Variants in NME7 observed in about 807,000 individuals in gnomAD.
The protein encoded by NME7 is nucleoside diphosphate kinase 7.
A neutral mutation model predicts 49.1 loss-of-function variants in NME7; 41 were observed. That is an observed-to-expected ratio of 0.83 (90% CI 0.65 to 1.08). NME7 has a LOEUF of 1.08. Among genes scored for constraint, NME7 ranks in the 50% least tolerant of loss-of-function variants. NME7 has a pLI of 0.00. For synonymous variants in NME7, 139 were observed against 150.6 expected, an observed-to-expected ratio of 0.92 and a Z score of 0.56; for missense variants, 423 against 463.4, an observed-to-expected ratio of 0.91 and a Z score of 0.80.
chr1:169,298,831 G>C, intron 5 of NME7, 68 bp from the exon 6 acceptor site: 1 of 1,214,928 alleles, frequency 8.2e-7, no homozygotes, highest in Non-Finnish European at 1.2e-6. Flanking sequence ...TTAACGACAG[G>C]ATATATTTAA....
intron 10 of NME7, among the ~76,000 whole-genome samples, chr1:169,170,421 G>A (rs1399445947): frequency 6.6e-6 from 1 of 152,176 alleles, no homozygotes; most frequent in East Asian, 1.9e-4. Flanking sequence ...CATCACTTAA[G>A]GATGTTTTAA....
At chr1:169,348,364 C>CAAAA (rs35999944) in intron 1 of NME7, among the ~76,000 whole-genome samples, 1 of 127,498 alleles carries the variant, frequency 7.8e-6, no homozygotes, top group Non-Finnish European at 1.7e-5. Context: ...CAAAAAAAAG[C>CAAAA]AAAAAAAAAA....
chr1:169,140,094 C>T (rs1048352492), intron 11 of NME7, among the ~76,000 whole-genome samples: 1 of 152,148 alleles, frequency 6.6e-6, no homozygotes, highest in African/African-American at 2.4e-5. Context: ...AGGGGAATTA[C>T]ATCTATAACA....
chr1:169,292,242 T>C (rs1650535372), intron 6 of NME7, among the ~76,000 whole-genome samples: 1 of 152,050 alleles, frequency 6.6e-6, no homozygotes, highest in Non-Finnish European at 1.5e-5. Context: ...TAGAAGCAAA[T>C]AATGAAATAT....
intron 11 of NME7, among the ~76,000 whole-genome samples, chr1:169,166,903 C>T (rs1007098745): frequency 5.9e-5 from 9 of 152,100 alleles, no homozygotes; most frequent in East Asian, 3.9e-4. Context: ...ACTCAGGAGG[C>T]GGAGGTTGCA....
intron 1 of NME7, among the ~76,000 whole-genome samples, chr1:169,360,000 T>C (rs994126812): frequency 1.3e-5 from 2 of 152,148 alleles, no homozygotes; most frequent in African/African-American, 4.8e-5. Flanking sequence ...GTTTAGGCAG[T>C]TTTTGAAAAA....
Position 169,244,884 on chromosome 1 carries a change from T to C in NME7, c.755-7197A>G, listed in dbSNP as rs1466743506. On this transcript the variant is annotated intron_variant, in intron 7 of 11. Coordinates refer to ENST00000367811, the MANE Select transcript of NME7 (RefSeq NM_013330.5). ...TGGCTCATGCCTGTAATCCTAGCACTTTGGGAGGACAAGGTGGGTGGATCA... is the reference window on the plus strand; with the variant it reads ...TGGCTCATGCCTGTAATCCTAGCACCTTGGGAGGACAAGGTGGGTGGATCA... Among the ~76,000 whole-genome samples, 5 of 152,244 alleles carry C rather than the reference T, an allele frequency of 3.3e-5. No individual in the cohort carries two copies. In the East Asian group the frequency reaches 9.7e-4, roughly 29 times the overall value.
chr1:169,324,535 A>G (rs1201083640), intron 1 of NME7, 35 bp from the exon 2 acceptor site: 1 of 1,306,296 alleles, frequency 7.7e-7, no homozygotes, highest in African/African-American at 1.4e-5. Flanking sequence ...TAACACTAAC[A>G]TATAAAGAAC....
intron 10 of NME7, among the ~76,000 whole-genome samples, chr1:169,189,056 G>T (rs1660148669): frequency 6.6e-6 from 1 of 152,218 alleles, no homozygotes; most frequent in South Asian, 2.1e-4. Context: ...TTCATGGCAT[G>T]CATTTTATTG....
chr1:169,358,316 A>G lies in NME7; in HGVS notation c.3+9392T>C, dbSNP rs1180946592. 2.0e-5 allele frequency among the ~76,000 whole-genome samples: 3 copies of G among 152,080 alleles called. No individual in the cohort carries two copies. In the East Asian group the frequency reaches 5.8e-4, roughly 29 times the overall value. Reference sequence around the variant, plus strand: ...CAAAAAATGCTTTAAGGTAATCTAAACAGAAAGTATTATTTTGATTTTATG... The same window carrying G: ...CAAAAAATGCTTTAAGGTAATCTAAGCAGAAAGTATTATTTTGATTTTATG... On this transcript the variant is annotated intron_variant, in intron 1 of 11. Transcript: ENST00000367811.
At chr1:169,240,735 A>T (rs1326977562) in intron 7 of NME7, among the ~76,000 whole-genome samples, 1 of 152,084 alleles carries the variant, frequency 6.6e-6, no homozygotes, top group African/African-American at 2.4e-5. Flanking sequence ...GTCAAAAATC[A>T]ATTAAAAATT....
chr1:169,238,448 C>T (rs942104233), intron 7 of NME7, among the ~76,000 whole-genome samples: 4 of 149,066 alleles, frequency 2.7e-5, no homozygotes, highest in Admixed American at 6.8e-5. Flanking sequence ...TCAACTAAAA[C>T]TCTGTCTCTT....
rs1248407613 is a variant in NME7, at chr1:169,275,538, A to G, written c.754+11765T>C. Among the ~76,000 whole-genome samples the G allele has an allele frequency of 2.4e-5, 3 of 124,402 alleles. 1 individual carries two copies. The highest frequency in any genetic ancestry group is 8.0e-5 in the African/African-American group (3 of 37,272). The allele number at this position is 124,402 out of a possible 152,430, so 81.6% of individuals were successfully genotyped here. ...TGTGATTTTTGTACATTGATTTTGTATCCTGAGACTTTGCTGAAGTTGCTT... is the reference window on the plus strand; with the variant it reads ...TGTGATTTTTGTACATTGATTTTGTGTCCTGAGACTTTGCTGAAGTTGCTT... On this transcript the variant is annotated intron_variant, in intron 7 of 11. Transcript: ENST00000367811.
chr1:169,267,407 G>GA lies in NME7; in HGVS notation c.754+19895dup, dbSNP rs1381480795. Among the ~76,000 whole-genome samples, 30 of 132,922 alleles carry GA rather than the reference G, an allele frequency of 2.3e-4. 10 individuals are homozygous for GA. The highest frequency in any genetic ancestry group is 5.2e-4 in the Admixed American group (7 of 13,540). The allele number at this position is 132,922 out of a possible 152,430, so 87.2% of individuals were successfully genotyped here. A position where few individuals can be genotyped will look rare whatever the true frequency, so the allele number is the denominator to read the frequency against. Reference sequence around the variant, plus strand: ...TACCAGTGACATTCTTCACAAACTGGAAAAAAACTATTTTAATGTTCATAT... The same window carrying GA: ...TACCAGTGACATTCTTCACAAACTGGAAAAAAAACTATTTTAATGTTCATAT... On this transcript the variant is annotated intron_variant, in intron 7 of 11. Transcript: ENST00000367811.
At chr1:169,212,525 AATGAGG>A (rs200432387) in intron 10 of NME7, among the ~76,000 whole-genome samples, 36,672 of 151,184 alleles carry the variant, frequency 0.24, 5,400 homozygotes, top group Non-Finnish European at 0.34. Context: ...AGTACTCCCA[AATGAGG>A]GTGAACAAGG....
At chr1:169,253,373 T>G (rs1380085928) in intron 7 of NME7, among the ~76,000 whole-genome samples, 64 of 151,390 alleles carry the variant, frequency 4.2e-4, no homozygotes, top group Non-Finnish European at 8.2e-4. Flanking sequence ...TGTCTGTTAT[T>G]GGTGTATAAG....
intron 7 of NME7, 77 bp from the exon 8 acceptor site, chr1:169,237,764 T>C (rs1397394429): frequency 2.8e-6 from 3 of 1,090,368 alleles, no homozygotes; most frequent in Non-Finnish European, 2.7e-6. Flanking sequence ...AAATTTTTTA[T>C]AGCAAAGTAC....
At chr1:169,325,986 C>A (rs1035229242) in intron 1 of NME7, among the ~76,000 whole-genome samples, 10 of 151,732 alleles carry the variant, frequency 6.6e-5, no homozygotes, top group Non-Finnish European at 1.0e-4. Context: ...ATTGTACTCA[C>A]CTACAAATAA....
intron 1 of NME7, among the ~76,000 whole-genome samples, chr1:169,349,342 C>A (rs1398424630): frequency 1.3e-5 from 2 of 152,090 alleles, no homozygotes; most frequent in Admixed American, 1.3e-4. Flanking sequence ...TAAAAGAGGA[C>A]CCAATCTGGG....
Sources: gnomAD v4.1 joint callset for allele counts (sites outside exome capture counted in the v4.1 genomes callset) on GRCh38, gnomAD v4.1.1 for gene constraint, MANE v1.5 for transcripts, NCBI Gene and HGNC (gene_info 2026-07-23, HGNC 2026-07-21) for gene names.